Variants in PRORP observed in about 807,000 individuals in gnomAD.
PRORP encodes the protein mitochondrial ribonuclease P catalytic subunit.
PRORP carries 51 observed loss-of-function variants against 59.4 expected under a neutral mutation model. That is an observed-to-expected ratio of 0.86 (90% confidence interval 0.69 to 1.08). The LOEUF (loss-of-function observed/expected upper bound fraction) is 1.08. Among genes scored for constraint, PRORP ranks in the 50% least tolerant of loss-of-function variants. The probability of loss-of-function intolerance (pLI) is 0.00; values close to 1 mark genes in which losing one functional copy is unlikely to be tolerated. For synonymous variants in PRORP, 231 were observed against 245.6 expected (o/e 0.94, Z 0.55); for missense variants, 646 against 690.3 (o/e 0.94, Z 0.72).
intron 2 of PRORP, among the ~76,000 whole-genome samples, chr14:35,125,581 C>T (rs1384065600): frequency 6.6e-6 from 1 of 152,122 alleles, no homozygotes; most frequent in East Asian, 1.9e-4. Flanking sequence ...TTTTCTCTTG[C>T]CTTTTTTTCC....
rs1394362794 is a variant in PRORP, at chr14:35,262,557, C to A, written c.1276-4170C>A. On this transcript the variant is annotated intron_variant, in intron 5 of 7. Transcript: ENST00000534898. ...TTACTGTGAAAGGCCCCAGAGGAAC[C>A]CTGCAGAGGGATTTCAATCACATCA... The A allele has an allele frequency of 4.4e-6, 3 of 680,922 alleles. No homozygotes were observed. In the African/African-American group the frequency reaches 5.3e-5, roughly 12 times the overall value. 42.2% of individuals were successfully genotyped at this position (680,922 alleles called of 1,614,324 possible).
At position 35,235,190 on chromosome 14, in the gene PRORP, G is replaced by A. The variant is rs2050178736; in HGVS notation, c.1276-31537G>A. The A allele has an allele frequency of 2.5e-5, 17 of 678,226 alleles. 1 individual carries two copies. Among genetic ancestry groups the A allele is most frequent in the South Asian group, 2.3e-4 (17 of 73,180 alleles). 42.0% of individuals were successfully genotyped at this position (678,226 alleles called of 1,614,324 possible). A position where few individuals can be genotyped will look rare whatever the true frequency, so the allele number is the denominator to read the frequency against. On this transcript the variant is annotated intron_variant, in intron 5 of 7. Transcript: ENST00000534898. ...AGTGTACATTTAACTCAGTTTAGTG[G>A]AAAGTTCTTTAGCCTTTGCCTTTTC...
chr14:35,141,342 C>T (rs948580566), intron 4 of PRORP, among the ~76,000 whole-genome samples: 2 of 144,598 alleles, frequency 1.4e-5, no homozygotes, highest in African/African-American at 4.9e-5. Flanking sequence ...CTCACTGCAG[C>T]CTTGAACTCC....
intron 5 of PRORP, among the ~76,000 whole-genome samples, chr14:35,261,430 T>TA (rs1391660435): frequency 1.3e-5 from 2 of 152,130 alleles, no homozygotes; most frequent in Admixed American, 6.6e-5. Context: ...TCTGTCTTTT[T>TA]AAAAAAATTA....
chr14:35,239,700 T>C (rs890697684), intron 5 of PRORP, among the ~76,000 whole-genome samples: 1 of 152,218 alleles, frequency 6.6e-6, no homozygotes, highest in Non-Finnish European at 1.5e-5. Context: ...GCCATACCAG[T>C]GTCATGCCAA....
Position 35,180,739 on chromosome 14 carries a change from G to A in PRORP, c.1237G>A (p.Val413Ile). 1 of 1,612,946 alleles carries A rather than the reference G, an allele frequency of 6.2e-7. No homozygotes were observed. The highest frequency in any genetic ancestry group is 8.5e-7 in the Non-Finnish European group (1 of 1,179,332). ...PFDVVIDGLN[V>I]AKMFPKVRES... ...TGATGTTGTCATTGATGGTCTCAAT[G>A]TTGCCAAAATGTTTCCTAAAGTTCG... Residue 413 changes from valine to isoleucine, a missense_variant, in exon 5 of 8, where the codon GTT (valine) becomes ATT (isoleucine). Coordinates refer to ENST00000534898, the MANE Select transcript of PRORP (RefSeq NM_014672.4).
intron 5 of PRORP, chr14:35,263,054 G>C: frequency 1.3e-6 from 2 of 1,513,552 alleles, no homozygotes; most frequent in Non-Finnish European, 1.8e-6. Context: ...GAGTTGTCCA[G>C]CTTCTGAAAC....
At chr14:35,193,113 C>T (rs75685916) in intron 5 of PRORP, among the ~76,000 whole-genome samples, 7,351 of 152,194 alleles carry the variant, frequency 0.048, 247 homozygotes, top group Non-Finnish European at 0.075. Flanking sequence ...CCTTTTGCAG[C>T]TTGCATTTTG....
intron 4 of PRORP, among the ~76,000 whole-genome samples, chr14:35,135,810 T>C (rs557677039): frequency 6.6e-6 from 1 of 152,078 alleles, no homozygotes; most frequent in East Asian, 1.9e-4. Context: ...ATACAAAAAT[T>C]AGCTGGTCGT....
At chr14:35,147,643 A>G (rs1173290646) in intron 4 of PRORP, among the ~76,000 whole-genome samples, 2 of 152,186 alleles carry the variant, frequency 1.3e-5, no homozygotes, top group African/African-American at 4.8e-5. Context: ...CTGTGTGGCA[A>G]TTTCTTAAAA....
intron 4 of PRORP, among the ~76,000 whole-genome samples, chr14:35,132,998 T>C (rs920200989): frequency 1.2e-3 from 181 of 152,282 alleles, no homozygotes; most frequent in African/African-American, 4.2e-3. Flanking sequence ...CTTGGCTCAC[T>C]GCAACCTCTG....
At position 35,180,775 on chromosome 14, in the gene PRORP, C is replaced by G. The variant is rs1166725316; in HGVS notation, c.1273C>G (p.Leu425Val). The change falls in exon 5 of 8, where the codon CTT becomes GTT. Residue 425 changes from leucine (L) to valine (V), a missense_variant and splice_region_variant. Leu to Val is a conservative substitution (Grantham distance 32, BLOSUM62 1). Coordinates refer to ENST00000534898, the MANE Select transcript of PRORP (RefSeq NM_014672.4). ...GTTTCCTAAAGTTCGTGAATCTCAACTTGTAAGTATAAGTTTTACTTTGTT... is the reference window on the plus strand; with the variant it reads ...GTTTCCTAAAGTTCGTGAATCTCAAGTTGTAAGTATAAGTTTTACTTTGTT... The part of the protein sequence containing the change: ...KMFPKVRESQ[L>V]LLNVVSQLAK... 6.3e-7 allele frequency: 1 copy of G among 1,576,950 alleles called. No individual in the cohort carries two copies. Among genetic ancestry groups the G allele is most frequent in the Admixed American group, 1.7e-5 (1 of 59,778 alleles).
chr14:35,153,399 A>G (rs2047831738), intron 4 of PRORP, among the ~76,000 whole-genome samples: 1 of 76,098 alleles, frequency 1.3e-5, no homozygotes, highest in African/African-American at 4.4e-5. Flanking sequence ...GGAGAGGGAG[A>G]CCGTGGGGAG....
chr14:35,254,720 TC>T (rs1438974854), intron 5 of PRORP, among the ~76,000 whole-genome samples: 15 of 152,104 alleles, frequency 9.9e-5, no homozygotes, highest in Admixed American at 1.3e-4. Context: ...CCTTTGATTT[TC>T]CCCCATTGCT....
intron 5 of PRORP, among the ~76,000 whole-genome samples, chr14:35,234,387 T>C (rs2050153489): frequency 6.6e-6 from 1 of 152,218 alleles, no homozygotes; most frequent in African/African-American, 2.4e-5. Context: ...CAACATTAGG[T>C]ATGAACTGCA....
chr14:35,220,038 G>T (rs1379134343), intron 5 of PRORP, among the ~76,000 whole-genome samples: 1 of 152,148 alleles, frequency 6.6e-6, no homozygotes, highest in Admixed American at 6.5e-5. Context: ...ACCCACATGG[G>T]TAGTCTAGGA....
chr14:35,238,155 CA>C (rs529701697), intron 5 of PRORP, among the ~76,000 whole-genome samples: 1 of 151,730 alleles, frequency 6.6e-6, no homozygotes, highest in Non-Finnish European at 1.5e-5. Flanking sequence ...TCTCATTTTA[CA>C]AATGAGAAAA....
intron 4 of PRORP, among the ~76,000 whole-genome samples, chr14:35,161,852 A>C (rs904622454): frequency 3.9e-5 from 6 of 152,160 alleles, no homozygotes; most frequent in African/African-American, 1.4e-4. Flanking sequence ...ATTCTTTTCT[A>C]TCTGGAATTT....
chr14:35,210,411 T>C lies in PRORP; in HGVS notation c.1275+29634T>C, dbSNP rs538638802. Among the ~76,000 whole-genome samples the C allele has an allele frequency of 4.6e-5, 7 of 152,294 alleles. No homozygotes were observed. In the South Asian group the frequency reaches 8.3e-4, roughly 18 times the overall value. On this transcript the variant is annotated intron_variant, in intron 5 of 7. Transcript: ENST00000534898. ...AGAAAATGAATGAGGTACAAAGTCA[T>C]ATAAAATATATCTGACTTCAGATAC...
Sources: allele counts gnomAD v4.1 joint callset (sites outside exome capture counted in the v4.1 genomes callset), GRCh38; gene constraint gnomAD v4.1.1; transcripts MANE v1.5; gene names NCBI Gene and HGNC (gene_info 2026-07-23, HGNC 2026-07-21).